Variants in EPB41L5 observed in about 807,000 individuals in gnomAD.
The protein encoded by EPB41L5 is erythrocyte membrane protein band 4.1 like 5, also known as band 4.1-like protein 5.
Under a neutral mutation model 106.6 loss-of-function variants are expected in EPB41L5, and 55 were observed. The observed-to-expected ratio is 0.52, with a 90% CI of 0.42 to 0.65. The LOEUF is 0.65. Among genes scored for constraint, EPB41L5 ranks in the 30% least tolerant of loss-of-function variants. The pLI is 0.00. For missense variants in EPB41L5, 871 were observed against 882.1 expected (o/e 0.99, Z 0.16); for synonymous variants, 297 against 306.7 (o/e 0.97, Z 0.33).
intron 2 of EPB41L5, among the ~76,000 whole-genome samples, chr2:120,033,443 C>T (rs371086451): frequency 6.6e-6 from 1 of 152,102 alleles, no homozygotes; most frequent in East Asian, 1.9e-4. Context: ...CATGGTGGCT[C>T]ATGCCTGTAA....
intron 21 of EPB41L5, 144 bp from the exon 22 acceptor site, chr2:120,164,692 A>T (rs983989248): frequency 2.4e-5 from 13 of 546,734 alleles, no homozygotes; most frequent in Non-Finnish European, 4.2e-5. Context: ...ATTAACAACC[A>T]TGATTTATGA....
chr2:120,073,630 A>C (rs901980820), intron 4 of EPB41L5, among the ~76,000 whole-genome samples: 1 of 152,230 alleles, frequency 6.6e-6, no homozygotes, highest in Non-Finnish European at 1.5e-5. Context: ...CAGAGAGAGA[A>C]TACCATTGTT....
chr2:120,065,908 T>C (rs931409698), intron 3 of EPB41L5, among the ~76,000 whole-genome samples: 2 of 152,218 alleles, frequency 1.3e-5, no homozygotes, highest in Non-Finnish European at 2.9e-5. Flanking sequence ...ATATTTAGCC[T>C]ATTAATTTTC....
intron 2 of EPB41L5, among the ~76,000 whole-genome samples, chr2:120,037,275 G>A (rs969719356): frequency 5.3e-5 from 8 of 152,070 alleles, no homozygotes; most frequent in Non-Finnish European, 8.8e-5. Flanking sequence ...TAAATAAGAA[G>A]GAAGATATCC....
chr2:120,171,744 T>TTGA (rs1687683280), intron 24 of EPB41L5, among the ~76,000 whole-genome samples: 1 of 152,188 alleles, frequency 6.6e-6, no homozygotes. Flanking sequence ...AGCCCATTCG[T>TTGA]TGATGAGTTT....
intron 2 of EPB41L5, among the ~76,000 whole-genome samples, chr2:120,033,327 T>A (rs1293106250): frequency 6.6e-6 from 1 of 152,232 alleles, no homozygotes; most frequent in Non-Finnish European, 1.5e-5. Context: ...AATGAAGTTT[T>A]TTAAAAATTA....
chr2:120,155,764 G>A (rs952305149), intron 20 of EPB41L5, among the ~76,000 whole-genome samples: 11 of 151,374 alleles, frequency 7.3e-5, no homozygotes, highest in African/African-American at 1.5e-4. Flanking sequence ...CTGCCTGCTT[G>A]AATCTGCTAT....
At chr2:120,123,646 CTTTTT>C (rs869296989) in intron 16 of EPB41L5, among the ~76,000 whole-genome samples, 3 of 68,338 alleles carry the variant, frequency 4.4e-5, no homozygotes, top group African/African-American at 1.6e-4. Context: ...GTGTTCGTCC[CTTTTT>C]TTTTTTTTTT....
chr2:120,090,599 T>G, intron 12 of EPB41L5, 83 bp downstream of exon 12: 1 of 1,235,384 alleles, frequency 8.1e-7, no homozygotes, highest in East Asian at 2.3e-5. Flanking sequence ...TTTACAGATA[T>G]GGTAACTAAG....
intron 16 of EPB41L5, among the ~76,000 whole-genome samples, chr2:120,109,806 A>G (rs557815004): frequency 6.6e-6 from 1 of 152,328 alleles, no homozygotes; most frequent in African/African-American, 2.4e-5. Context: ...AGAATTGTCT[A>G]TACTTGCTAT....
intron 16 of EPB41L5, chr2:120,105,925 CT>C: frequency 1.0e-6 from 1 of 985,224 alleles, no homozygotes; most frequent in Non-Finnish European, 1.2e-6. Flanking sequence ...AAAAAAAGTA[CT>C]GTTTCTATAG....
In EPB41L5 at chr2:120,074,103, G is replaced by A. The variant is rs1682066040; in HGVS notation, c.332G>A (p.Gly111Asp). 2 of 1,600,362 alleles carry A rather than the reference G, an allele frequency of 1.2e-6. No individual in the cohort carries two copies. Among genetic ancestry groups the A allele is most frequent in the Non-Finnish European group, 1.7e-6 (2 of 1,173,594 alleles). Reference protein sequence around the residue: ...TKSIKKQVKIGSPYCLHLRVK... With the variant: ...TKSIKKQVKIDSPYCLHLRVK... Reference sequence around the variant, plus strand: ...CTTTTTTTTTTTTAAATGACAGTTGGTTCACCCTATTGTCTGCATCTTCGA... The same window carrying A: ...CTTTTTTTTTTTTAAATGACAGTTGATTCACCCTATTGTCTGCATCTTCGA... Residue 111 changes from glycine to aspartate, a missense_variant, in exon 5 of 25, where the codon GGT becomes GAT. Gly to Asp is a moderately conservative substitution (Grantham distance 94). Coordinates refer to ENST00000263713, the MANE Select transcript of EPB41L5 (RefSeq NM_020909.4).
chr2:120,099,403 G>A (rs993006927), intron 14 of EPB41L5, among the ~76,000 whole-genome samples: 3 of 151,344 alleles, frequency 2.0e-5, no homozygotes, highest in African/African-American at 7.3e-5. Flanking sequence ...GGGAATGGCG[G>A]GGTGGGGATG....
At chr2:120,153,322 C>A (rs1175038238) in intron 20 of EPB41L5, among the ~76,000 whole-genome samples, 2 of 151,926 alleles carry the variant, frequency 1.3e-5, no homozygotes, top group Non-Finnish European at 2.9e-5. Context: ...TTTATAATTT[C>A]ATTCATTATG....
chr2:120,075,857 T>A (rs1682197086), intron 7 of EPB41L5, 104 bp downstream of exon 7: 4 of 926,732 alleles, frequency 4.3e-6, no homozygotes, highest in Non-Finnish European at 1.7e-6. Flanking sequence ...GAAACAACAC[T>A]GTTTTTGTAT....
chr2:120,084,320 G>T (rs1207320376), intron 10 of EPB41L5, among the ~76,000 whole-genome samples: 3 of 152,044 alleles, frequency 2.0e-5, no homozygotes, highest in Admixed American at 6.6e-5. Context: ...GGCATGCCTC[G>T]TGGTGACAAA....
Position 120,100,280 on chromosome 2 carries a change from C to T in EPB41L5, c.1215C>T (p.Ser405=), listed in dbSNP as rs1248276915. ...HNNVSTQSNG[S]QQAWGMRSAL... is the part of the protein sequence containing the mutation. ...ATGTTTCGACCCAAAGTAATGGCTC[C>T]CAACAGGTAAGACAATACTAAGCTT... is the stretch of plus-strand genomic sequence containing the variant. The change falls in exon 15 of 25, where the codon TCC becomes TCT. Residue 405 remains serine, a synonymous_variant. Transcript: ENST00000263713. The T allele has an allele frequency of 6.2e-7, 1 of 1,612,942 alleles. No individual in the cohort carries two copies. The highest frequency in any genetic ancestry group is 8.5e-7 in the Non-Finnish European group (1 of 1,179,396).
chr2:120,111,381 T>G (rs1684722739), intron 16 of EPB41L5, among the ~76,000 whole-genome samples: 1 of 152,160 alleles, frequency 6.6e-6, no homozygotes, highest in Admixed American at 6.5e-5. Flanking sequence ...AAGTGGCAGT[T>G]CTCTTTTTCG....
chr2:120,078,047 A>AG (rs1387175944), intron 9 of EPB41L5, among the ~76,000 whole-genome samples: 1 of 152,148 alleles, frequency 6.6e-6, no homozygotes, highest in East Asian at 1.9e-4. Context: ...GAGAACAGCA[A>AG]GGGGGAAGTC....
Sources: allele counts gnomAD v4.1 joint callset (sites outside exome capture counted in the v4.1 genomes callset), GRCh38; gene constraint gnomAD v4.1.1; transcripts MANE v1.5; gene names NCBI Gene and HGNC (gene_info 2026-07-23, HGNC 2026-07-21).